The following IGF2BP2 variants were observed in gnomAD, a reference collection of about 807,000 sequenced individuals.
The protein encoded by IGF2BP2 is insulin-like growth factor 2 mRNA-binding protein 2.
IGF2BP2 carries 17 observed loss-of-function variants against 75.8 expected under a neutral mutation model. The observed-to-expected ratio is 0.22, with a 90% CI of 0.15 to 0.34. IGF2BP2 has a LOEUF of 0.34. IGF2BP2 is among the 10% of genes least tolerant of loss of function. The probability of loss-of-function intolerance (pLI) is 1.00; values close to 1 mark genes in which losing one functional copy is unlikely to be tolerated. For missense variants in IGF2BP2, 516 were observed against 772.4 expected, an observed-to-expected ratio of 0.67 and a Z score of 3.93; for synonymous variants, 288 against 295.6, an observed-to-expected ratio of 0.97 and a Z score of 0.26.
chr3:185,648,078 C>A (rs547695974), intron 14 of IGF2BP2, among the ~76,000 whole-genome samples: 1 of 152,346 alleles, frequency 6.6e-6, no homozygotes, highest in South Asian at 2.1e-4. Flanking sequence ...TCCTTTGATT[C>A]CACACCGCTT....
intron 5 of IGF2BP2, among the ~76,000 whole-genome samples, chr3:185,692,285 A>G (rs2149333578): frequency 6.6e-6 from 1 of 152,320 alleles, no homozygotes; most frequent in African/African-American, 2.4e-5. Context: ...TTCACAGTGC[A>G]TGGAGGAAGC....
At chr3:185,774,451 C>T (rs1734273368) in intron 2 of IGF2BP2, among the ~76,000 whole-genome samples, 2 of 151,718 alleles carry the variant, frequency 1.3e-5, no homozygotes, top group South Asian at 4.2e-4. Context: ...AAAAATTAGC[C>T]AGGCATGGTG....
chr3:185,824,376 G>A (rs1181624287), intron 1 of IGF2BP2, among the ~76,000 whole-genome samples: 2 of 150,516 alleles, frequency 1.3e-5, no homozygotes, highest in Admixed American at 1.3e-4. Context: ...CTGGATTTGG[G>A]GAAGGGGGGA....
chr3:185,666,153 CT>C (rs1211126324), intron 10 of IGF2BP2, among the ~76,000 whole-genome samples: 1 of 152,154 alleles, frequency 6.6e-6, no homozygotes, highest in Non-Finnish European at 1.5e-5. Flanking sequence ...AGAAATTATA[CT>C]CGTGCTATTT....
chr3:185,721,698 C>G (rs564979428), intron 2 of IGF2BP2, among the ~76,000 whole-genome samples: 1 of 152,310 alleles, frequency 6.6e-6, no homozygotes, highest in Admixed American at 6.5e-5. Flanking sequence ...GTAGGTCTCT[C>G]ATGTACCTGT....
Position 185,800,708 on chromosome 3 carries a change from G to A in IGF2BP2, c.239+22445C>T, listed in dbSNP as rs544674424. Reference sequence around the variant, plus strand: ...GCTGAGAAGTTGCCACTTGGTGACTGAGCCAAAAAAAAAGAAAGAAAGAAA... The same window carrying A: ...GCTGAGAAGTTGCCACTTGGTGACTAAGCCAAAAAAAAAGAAAGAAAGAAA... On this transcript the variant is annotated intron_variant, in intron 2 of 15. Transcript: ENST00000382199. Among the ~76,000 whole-genome samples, 51 of 69,330 alleles carry A rather than the reference G, an allele frequency of 7.4e-4. 1 individual carries two copies. In the East Asian group the frequency reaches 0.011, roughly 16 times the overall value. 45.5% of individuals were successfully genotyped at this position (69,330 alleles called of 152,430 possible). A position where few individuals can be genotyped will look rare whatever the true frequency, so the allele number is the denominator to read the frequency against.
intron 13 of IGF2BP2, among the ~76,000 whole-genome samples, chr3:185,650,513 C>T (rs1452282870): frequency 6.6e-6 from 1 of 151,954 alleles, no homozygotes; most frequent in Admixed American, 6.6e-5. Flanking sequence ...CCCATCTCTA[C>T]TAAAAATACA....
intron 2 of IGF2BP2, among the ~76,000 whole-genome samples, chr3:185,813,038 T>A (rs894531342): frequency 3.3e-5 from 5 of 152,206 alleles, no homozygotes; most frequent in Non-Finnish European, 7.3e-5. Context: ...AACAAAGAGC[T>A]AACTCTTCCC....
intron 10 of IGF2BP2, among the ~76,000 whole-genome samples, chr3:185,662,449 G>T (rs1716605289): frequency 7.2e-6 from 1 of 139,732 alleles, no homozygotes; most frequent in Non-Finnish European, 1.5e-5. Flanking sequence ...CTGCACTCCA[G>T]CCTGGGTGAC....
chr3:185,650,733 G>A (rs1198533048), intron 13 of IGF2BP2, among the ~76,000 whole-genome samples: 2 of 151,708 alleles, frequency 1.3e-5, no homozygotes, highest in Non-Finnish European at 2.9e-5. Context: ...TCAGTATGTT[G>A]TGCAATCATC....
At chr3:185,761,656 T>C (rs568673619) in intron 2 of IGF2BP2, among the ~76,000 whole-genome samples, 1 of 152,224 alleles carries the variant, frequency 6.6e-6, no homozygotes, top group African/African-American at 2.4e-5. Flanking sequence ...CCTCCCCTGA[T>C]AGAGTTCAAC....
At chr3:185,822,562 C>A (rs1412337780) in intron 2 of IGF2BP2, among the ~76,000 whole-genome samples, 1 of 152,048 alleles carries the variant, frequency 6.6e-6, no homozygotes, top group Non-Finnish European at 1.5e-5. Flanking sequence ...TTCTTACAAG[C>A]AACAACAACA....
chr3:185,823,357 C>T, intron 1 of IGF2BP2, 144 bp from the exon 2 acceptor site: 1 of 518,474 alleles, frequency 1.9e-6, no homozygotes, highest in East Asian at 3.4e-5. Flanking sequence ...GCTGGGCGAA[C>T]TTGGTTCCCA....
At chr3:185,689,735 G>A (rs1001985732) in intron 5 of IGF2BP2, 108 bp from the exon 6 acceptor site, 29 of 1,214,824 alleles carry the variant, frequency 2.4e-5, no homozygotes, top group African/African-American at 1.0e-4. Context: ...TTGGGAGGCC[G>A]AGGCGGGTGG....
intron 2 of IGF2BP2, among the ~76,000 whole-genome samples, chr3:185,797,227 G>A (rs142201411): frequency 1.3e-5 from 2 of 152,264 alleles, no homozygotes; most frequent in Non-Finnish European, 2.9e-5. Flanking sequence ...AACCTACTCA[G>A]CCCTTACAAT....
intron 2 of IGF2BP2, among the ~76,000 whole-genome samples, chr3:185,744,017 C>T (rs1401598645): frequency 6.6e-6 from 1 of 152,198 alleles, no homozygotes; most frequent in African/African-American, 2.4e-5. Flanking sequence ...ACAATTGATA[C>T]ATTTTTTAGT....
In IGF2BP2 at chr3:185,711,613, A is replaced by G. The variant is rs1216679676; in HGVS notation, c.240-13266T>C. On this transcript the variant is annotated intron_variant, in intron 2 of 15. Coordinates refer to ENST00000382199, the MANE Select transcript of IGF2BP2 (RefSeq NM_006548.6). Reference sequence around the variant, plus strand: ...AGCAGAGAGGTGCACATGGGAGTCAATACCTGAAGTGAATAACGGTGAACG... The same window carrying G: ...AGCAGAGAGGTGCACATGGGAGTCAGTACCTGAAGTGAATAACGGTGAACG... Among the ~76,000 whole-genome samples the G allele has an allele frequency of 3.3e-5, 5 of 152,354 alleles. 1 individual carries two copies. In the South Asian group the frequency reaches 8.3e-4, roughly 25 times the overall value.
chr3:185,718,489 C>T (rs568420258), intron 2 of IGF2BP2, among the ~76,000 whole-genome samples: 4 of 151,976 alleles, frequency 2.6e-5, no homozygotes, highest in South Asian at 4.2e-4. Context: ...AGATTGAGAC[C>T]ATCGTGGCTA....
chr3:185,746,897 T>G (rs945017849), intron 2 of IGF2BP2, among the ~76,000 whole-genome samples: 2 of 152,198 alleles, frequency 1.3e-5, no homozygotes, highest in African/African-American at 4.8e-5. Context: ...TCTGTAAAGA[T>G]CTAGGTATGC....
Sources: allele counts gnomAD v4.1 joint callset (sites outside exome capture counted in the v4.1 genomes callset), GRCh38; gene constraint gnomAD v4.1.1; transcripts MANE v1.5; gene names NCBI Gene and HGNC (gene_info 2026-07-23, HGNC 2026-07-21).